The following ATAD2B variants were observed in gnomAD, a reference collection of about 807,000 sequenced individuals.
ATAD2B encodes the protein ATPase family AAA domain containing 2B, also known as ATPase family AAA domain-containing protein 2B.
Under a neutral mutation model 167.6 loss-of-function variants are expected in ATAD2B, and 40 were observed. That is an observed-to-expected ratio of 0.24 (90% confidence interval 0.19 to 0.31). The LOEUF (loss-of-function observed/expected upper bound fraction) is 0.31. Ranked by LOEUF, ATAD2B falls within the 10% of genes least tolerant of loss-of-function variation. The pLI is 1.00. For synonymous variants in ATAD2B, 579 were observed against 596.5 expected (o/e 0.97, Z 0.43); for missense variants, 1,242 against 1,757.2 (o/e 0.71, Z 5.24).
intron 22 of ATAD2B, among the ~76,000 whole-genome samples, chr2:23,769,516 A>C (rs1209405947): frequency 6.6e-6 from 1 of 152,006 alleles, no homozygotes; most frequent in Admixed American, 6.6e-5. Flanking sequence ...CAAAGCACAC[A>C]TATGGAGGGA....
At chr2:23,852,533 T>C (rs1288528465) in intron 13 of ATAD2B, among the ~76,000 whole-genome samples, 1 of 152,236 alleles carries the variant, frequency 6.6e-6, no homozygotes, top group Non-Finnish European at 1.5e-5. Flanking sequence ...TAAAACTTTT[T>C]ATATTAGCAA....
At chr2:23,857,053 TA>T (rs112016144) in intron 13 of ATAD2B, among the ~76,000 whole-genome samples, 10,584 of 141,644 alleles carry the variant, frequency 0.075, 446 homozygotes, top group African/African-American at 0.13. Flanking sequence ...TAAAATAAAT[TA>T]AAAAAAAAAA....
intron 19 of ATAD2B, 91 bp from the exon 20 acceptor site, chr2:23,788,738 T>G: frequency 9.3e-7 from 1 of 1,078,630 alleles, no homozygotes; most frequent in Non-Finnish European, 1.3e-6. Context: ...CATCTTCCAG[T>G]ATCATGTTCA....
At chr2:23,916,006 T>A (rs1182662508) in intron 1 of ATAD2B, among the ~76,000 whole-genome samples, 1 of 152,252 alleles carries the variant, frequency 6.6e-6, no homozygotes, top group Non-Finnish European at 1.5e-5. Flanking sequence ...TCATTCATCA[T>A]CATGGATACT....
At chr2:23,726,204 T>C in the ATAD2B span, among the ~76,000 whole-genome samples, 1 of 152,166 alleles carries the variant, frequency 6.6e-6, no homozygotes, top group African/African-American at 2.4e-5. Flanking sequence ...GATGAGTGGA[T>C]AAACAAAATT....
chr2:23,878,520 G>A (rs1025787100), intron 7 of ATAD2B, among the ~76,000 whole-genome samples: 9 of 151,626 alleles, frequency 5.9e-5, no homozygotes, highest in African/African-American at 2.2e-4. Flanking sequence ...TTAGCCAGGC[G>A]TGGTGGCAGG....
intron 18 of ATAD2B, among the ~76,000 whole-genome samples, chr2:23,807,207 T>C (rs760790906): frequency 6.6e-6 from 1 of 152,194 alleles, no homozygotes; most frequent in Non-Finnish European, 1.5e-5. Flanking sequence ...ATTTAATTGA[T>C]ATCTAAAGCA....
the ATAD2B span, among the ~76,000 whole-genome samples, chr2:23,729,258 C>T: frequency 1.3e-5 from 2 of 152,170 alleles, no homozygotes; most frequent in Non-Finnish European, 2.9e-5. Flanking sequence ...TTGGACTGAG[C>T]TCCTGTCCTA....
chr2:23,888,252 C>T, intron 3 of ATAD2B, 98 bp downstream of exon 3: 1 of 862,900 alleles, frequency 1.2e-6, no homozygotes, highest in Non-Finnish European at 1.8e-6. Flanking sequence ...ACTGTATGCT[C>T]AGCACACTAT....
Position 23,867,811 on chromosome 2 carries a change from T to C in ATAD2B, c.1188+24A>G, listed in dbSNP as rs1240387634. On this transcript the variant is annotated intron_variant, in intron 10 of 27. Coordinates refer to ENST00000238789, the MANE Select transcript of ATAD2B (RefSeq NM_017552.4). ...AAACTTTTAAAAAAAAGAAAACTTC[T>C]AGAAAAACATTTACAAAACTTACTG... The C allele has an allele frequency of 2.6e-6, 4 of 1,525,184 alleles. No homozygotes were observed. In the South Asian group the frequency reaches 4.7e-5, roughly 18 times the overall value. 94.5% of individuals were successfully genotyped at this position (1,525,184 alleles called of 1,614,324 possible). A position where few individuals can be genotyped will look rare whatever the true frequency, so the allele number is the denominator to read the frequency against.
chr2:23,807,942 A>T (rs1446459777), intron 18 of ATAD2B, among the ~76,000 whole-genome samples: 2 of 126,966 alleles, frequency 1.6e-5, no homozygotes, highest in African/African-American at 6.0e-5. Context: ...AATATATATA[A>T]ATATATAAAT....
intron 7 of ATAD2B, among the ~76,000 whole-genome samples, chr2:23,876,435 G>A (rs1558709203): frequency 6.6e-6 from 1 of 151,784 alleles, no homozygotes; most frequent in Non-Finnish European, 1.5e-5. Flanking sequence ...CTGAGTAGCT[G>A]GGATTACAGG....
At chr2:23,699,189 AGCTTCCTGGGCTCTG>A in the ATAD2B span, among the ~76,000 whole-genome samples, 1 of 152,206 alleles carries the variant, frequency 6.6e-6, no homozygotes, top group Non-Finnish European at 1.5e-5. Context: ...CTGGGAGGCC[AGCTTCCTGGGCTCTG>A]GGCTGTGACT....
intron 2 of ATAD2B, among the ~76,000 whole-genome samples, chr2:23,894,253 G>A (rs879515011): frequency 5.6e-4 from 85 of 151,940 alleles, no homozygotes; most frequent in Non-Finnish European, 9.4e-4. Flanking sequence ...AGGTCGAGGC[G>A]GGTGGATCAC....
rs776415218 is a variant in ATAD2B at position 23,786,182 on chromosome 2, G to C, written c.2818C>G (p.Pro940Ala). 1.3e-6 allele frequency: 2 copies of C among 1,592,872 alleles called. No homozygotes were observed. Among genetic ancestry groups the C allele is most frequent in the Non-Finnish European group, 1.7e-6 (2 of 1,169,038 alleles). The change falls in exon 21 of 28, where the codon CCA becomes GCA. Residue 940 changes from proline (P) to alanine (A), a missense_variant. Transcript: ENST00000238789. Reference protein sequence around the residue: ...MEVLPLALPSPPRQLSESEKS... With the variant: ...MEVLPLALPSAPRQLSESEKS... ...TCTGATTCTGATAATTGACGAGGTG[G>C]AGAAGGTAGTGCAAGAGGAAGCACT...
chr2:23,906,007 C>T (rs1159403891), intron 1 of ATAD2B, among the ~76,000 whole-genome samples: 6 of 152,118 alleles, frequency 3.9e-5, no homozygotes, highest in Admixed American at 3.9e-4. Context: ...TTAAAATACA[C>T]ATTATCGTTA....
the ATAD2B span, among the ~76,000 whole-genome samples, chr2:23,724,241 T>C: frequency 1.3e-5 from 2 of 152,102 alleles, no homozygotes; most frequent in African/African-American, 2.4e-5. Flanking sequence ...AACAATAATA[T>C]ATAGTTTCAA....
Position 23,875,929 on chromosome 2 carries a change from G to A in ATAD2B, c.902-25C>T, listed in dbSNP as rs778340962. ...ACTAAAAGGGAAGAAAAGGATAATA[G>A]AGAAATAACTAATAAATTGATAAAT... is the stretch of plus-strand genomic sequence containing the variant. On this transcript the variant is annotated intron_variant, in intron 7 of 27. Transcript: ENST00000238789. 1.6e-5 allele frequency: 23 copies of A among 1,461,120 alleles called. No individual in the cohort carries two copies. The African/African-American group carries it at 1.8e-4, about 12-fold the overall frequency. 90.5% of individuals were successfully genotyped at this position (1,461,120 alleles called of 1,614,324 possible).
intron 13 of ATAD2B, among the ~76,000 whole-genome samples, chr2:23,842,558 T>A (rs1288652468): frequency 6.6e-6 from 1 of 152,124 alleles, no homozygotes; most frequent in Non-Finnish European, 1.5e-5. Flanking sequence ...TAGCTTTTAG[T>A]CTGGGACTAA....
Sources: gnomAD v4.1 joint callset for allele counts (sites outside exome capture counted in the v4.1 genomes callset) on GRCh38, gnomAD v4.1.1 for gene constraint, MANE v1.5 for transcripts, NCBI Gene and HGNC (gene_info 2026-07-23, HGNC 2026-07-21) for gene names.